Variants in SNX6 observed in about 807,000 individuals in gnomAD.
The protein encoded by SNX6 is sorting nexin 6, also known as sorting nexin-6.
A neutral mutation model predicts 63.0 loss-of-function variants in SNX6; 34 were observed. The ratio of observed to expected loss-of-function variants is 0.54; its 90% CI spans 0.41 to 0.72. The LOEUF is 0.72. SNX6 is among the 30% of genes least tolerant of loss of function. The pLI, the probability that SNX6 is intolerant of heterozygous loss-of-function variation, is 0.00. For missense variants in SNX6, 398 were observed against 471.4 expected, an observed-to-expected ratio of 0.84 and a Z score of 1.44; for synonymous variants, 170 against 164.2, an observed-to-expected ratio of 1.04 and a Z score of -0.27.
At chr14:34,596,543 T>C in intron 7 of SNX6, among the ~76,000 whole-genome samples, 1 of 144,814 alleles carries the variant, frequency 6.9e-6, no homozygotes, top group Non-Finnish European at 1.5e-5. Flanking sequence ...TGCTTGAACC[T>C]GGGAGGCGGA....
At chr14:34,626,888 GA>G (rs1883849367) in intron 2 of SNX6, among the ~76,000 whole-genome samples, 1 of 151,978 alleles carries the variant, frequency 6.6e-6, no homozygotes, top group South Asian at 2.1e-4. Flanking sequence ...CCAAAAATAG[GA>G]CATAAAGTTA....
At chr14:34,568,866 G>A in intron 11 of SNX6, 2 of 1,107,852 alleles carry the variant, frequency 1.8e-6, no homozygotes, top group Non-Finnish European at 2.8e-6. Flanking sequence ...GGCCAGGCAT[G>A]CCGCCACTTC....
intron 2 of SNX6, among the ~76,000 whole-genome samples, chr14:34,621,993 T>C (rs565837653): frequency 1.4e-5 from 2 of 138,008 alleles, no homozygotes; most frequent in African/African-American, 5.4e-5. Context: ...AGTTTCACTC[T>C]TGTCGCCCAG....
chr14:34,595,007 G>A (rs1407697285), intron 7 of SNX6, among the ~76,000 whole-genome samples: 3 of 152,138 alleles, frequency 2.0e-5, no homozygotes, highest in Non-Finnish European at 4.4e-5. Flanking sequence ...TGGGAGGATC[G>A]CCTGAGCCTG....
chr14:34,581,803 T>C (rs574394938), intron 9 of SNX6, among the ~76,000 whole-genome samples: 119 of 152,308 alleles, frequency 7.8e-4, no homozygotes, highest in African/African-American at 2.7e-3. Flanking sequence ...TTGAAATCTG[T>C]TTACAGATAG....
chr14:34,573,725 C>G (rs577365637), intron 11 of SNX6, among the ~76,000 whole-genome samples: 7 of 151,986 alleles, frequency 4.6e-5, no homozygotes, highest in African/African-American at 1.7e-4. Context: ...TGCTACCTAC[C>G]TCCCTCTCCT....
chr14:34,605,513 CA>C, intron 5 of SNX6, 82 bp downstream of exon 5: 13 of 1,201,304 alleles, frequency 1.1e-5, no homozygotes, highest in East Asian at 2.6e-5. Context: ...CAGAAAACAC[CA>C]AAAAAGGCAT....
intron 2 of SNX6, among the ~76,000 whole-genome samples, chr14:34,615,009 G>A (rs969798470): frequency 6.6e-6 from 1 of 151,654 alleles, no homozygotes; most frequent in Non-Finnish European, 1.5e-5. Flanking sequence ...ATCTACATTT[G>A]AGAAGATGTT....
chr14:34,570,909 G>C (rs1172381475), intron 11 of SNX6, among the ~76,000 whole-genome samples: 1 of 150,806 alleles, frequency 6.6e-6, no homozygotes, highest in Non-Finnish European at 1.5e-5. Flanking sequence ...TATTTTAGTA[G>C]AGATGGGGTT....
intron 2 of SNX6, among the ~76,000 whole-genome samples, chr14:34,617,395 G>A (rs1285741247): frequency 1.3e-5 from 2 of 151,958 alleles, no homozygotes; most frequent in African/African-American, 4.8e-5. Context: ...ATACCAGTAC[G>A]TTGGGAGGCC....
At chr14:34,574,817 C>T (rs1881620942) in intron 11 of SNX6, among the ~76,000 whole-genome samples, 1 of 152,024 alleles carries the variant, frequency 6.6e-6, no homozygotes, top group Middle Eastern at 3.4e-3. Flanking sequence ...CTCGGCCTCC[C>T]AAAGTGCTGG....
chr14:34,624,025 A>G (rs1048630105), intron 2 of SNX6, among the ~76,000 whole-genome samples: 1 of 152,228 alleles, frequency 6.6e-6, no homozygotes, highest in Admixed American at 6.5e-5. Context: ...AGGTAGGGCT[A>G]AAGAGATGAA....
intron 11 of SNX6, among the ~76,000 whole-genome samples, chr14:34,572,685 T>G (rs796937216): frequency 5.9e-5 from 9 of 152,100 alleles, no homozygotes; most frequent in African/African-American, 2.2e-4. Flanking sequence ...TTTTTGTTTT[T>G]TTTTGTTTTT....
chr14:34,595,482 G>T (rs1882562446), intron 7 of SNX6, among the ~76,000 whole-genome samples: 1 of 152,082 alleles, frequency 6.6e-6, no homozygotes, highest in Non-Finnish European at 1.5e-5. Flanking sequence ...AACTGGCAGG[G>T]TTATTAAGAT....
At chr14:34,616,857 A>G (rs1402254537) in intron 2 of SNX6, among the ~76,000 whole-genome samples, 2 of 151,988 alleles carry the variant, frequency 1.3e-5, no homozygotes, top group Non-Finnish European at 2.9e-5. Flanking sequence ...AGGATCACAA[A>G]GTCAGGAATT....
At chr14:34,572,374 T>G (rs1359914572) in intron 11 of SNX6, among the ~76,000 whole-genome samples, 1 of 152,080 alleles carries the variant, frequency 6.6e-6, no homozygotes, top group Non-Finnish European at 1.5e-5. Context: ...AGTGAGACAC[T>G]TGTCTCTGCA....
At chr14:34,592,991 A>G in intron 8 of SNX6, 54 bp downstream of exon 8, 1 of 1,233,176 alleles carries the variant, frequency 8.1e-7, no homozygotes, top group Non-Finnish European at 1.2e-6. Flanking sequence ...TATAATATGA[A>G]CTTTATAATT....
chr14:34,583,231 C>T (rs1188758114), intron 9 of SNX6, among the ~76,000 whole-genome samples: 2 of 152,078 alleles, frequency 1.3e-5, no homozygotes, highest in Non-Finnish European at 2.9e-5. Context: ...ATGGTGTGAA[C>T]CCGGGAGGTG....
chr14:34,626,521 G>A (rs928804179), intron 2 of SNX6, among the ~76,000 whole-genome samples: 19 of 151,370 alleles, frequency 1.3e-4, no homozygotes, highest in African/African-American at 4.1e-4. Flanking sequence ...AAAATTAGCC[G>A]GGCACGGTCG....
Sources: gnomAD v4.1 joint callset for allele counts (sites outside exome capture counted in the v4.1 genomes callset) on GRCh38, gnomAD v4.1.1 for gene constraint, MANE v1.5 for transcripts, NCBI Gene and HGNC (gene_info 2026-07-23, HGNC 2026-07-21) for gene names.